Variants in NBEAL1 observed in about 807,000 individuals in gnomAD.
The protein encoded by NBEAL1 is neurobeachin-like protein 1.
Under a neutral mutation model 351.3 loss-of-function variants are expected in NBEAL1, and 273 were observed. That is an observed-to-expected ratio of 0.78 (90% CI 0.70 to 0.86). NBEAL1 has a LOEUF of 0.86. Among genes scored for constraint, NBEAL1 ranks in the 40% least tolerant of loss-of-function variants. The pLI is 0.00. For missense variants in NBEAL1, 2,961 were observed against 3,201.3 expected (o/e 0.92, Z 1.81); for synonymous variants, 1,050 against 1,086.4 (o/e 0.97, Z 0.66).
chr2:203,201,670 T>G lies in NBEAL1; in HGVS notation c.7366T>G (p.Ser2456Ala). The change falls in exon 50 of 56, where the codon TCA (serine) becomes GCA (alanine). Residue 2456 changes from serine (S) to alanine (A), a missense_variant. Physicochemically the swap from Ser to Ala is moderately conservative, Grantham distance 99. Coordinates refer to ENST00000683969, the MANE Select transcript of NBEAL1 (RefSeq NM_001378026.1). ...CTGGGATAATAGCATTCAAGTGATGTCACTTACAAAAGGCAAAATTATCTC... is the reference window on the plus strand; with the variant it reads ...CTGGGATAATAGCATTCAAGTGATGGCACTTACAAAAGGCAAAATTATCTC... ...GYWDNSIQVM[S>A]LTKGKIISHI... 1 of 1,609,452 alleles carries G rather than the reference T, an allele frequency of 6.2e-7. No homozygotes were observed. Among genetic ancestry groups the G allele is most frequent in the Non-Finnish European group, 8.5e-7 (1 of 1,177,382 alleles).
At chr2:203,099,766 C>G in intron 12 of NBEAL1, 54 bp downstream of exon 12, 1 of 1,204,832 alleles carries the variant, frequency 8.3e-7, no homozygotes, top group Non-Finnish European at 1.2e-6. Context: ...ATTTTAGGTT[C>G]AGGGGTACAT....
intron 10 of NBEAL1, among the ~76,000 whole-genome samples, chr2:203,090,366 G>C (rs1296882301): frequency 2.0e-5 from 3 of 152,012 alleles, no homozygotes; most frequent in Admixed American, 6.5e-5. Flanking sequence ...ACCTTTTGGA[G>C]TCTCCAGTGT....
At chr2:203,134,631 G>A (rs2063155501) in intron 27 of NBEAL1, among the ~76,000 whole-genome samples, 1 of 152,120 alleles carries the variant, frequency 6.6e-6, no homozygotes, top group African/African-American at 2.4e-5. Context: ...TATTGACTTT[G>A]TGATAAAATT....
Position 203,096,396 on chromosome 2 carries a change from C to T in NBEAL1, c.1099-1151C>T, listed in dbSNP as rs576413738. 2.0e-5 allele frequency among the ~76,000 whole-genome samples: 3 copies of T among 152,266 alleles called. No individual in the cohort carries two copies. The South Asian group carries it at 6.2e-4, about 32-fold the overall frequency. ...CATGTAACTCGACCTTTTGTTTTCT[C>T]ATTTCTGAAATAATAGAACTTCCTA... On this transcript the variant is annotated intron_variant, in intron 10 of 55. Transcript: ENST00000683969.
rs746743470 is a variant in NBEAL1 at position 203,127,822 on chromosome 2, G to A, written c.3290G>A (p.Arg1097Gln). ...AATGAACTATCTCTAGATGATATTCGAACAATAAGGACTTCTTTGTATGGA... is the reference window on the plus strand; with the variant it reads ...AATGAACTATCTCTAGATGATATTCAAACAATAAGGACTTCTTTGTATGGA... The part of the protein sequence containing the change: ...KYNELSLDDI[R>Q]TIRTSLYGLI... The change falls in exon 24 of 56, where the codon CGA (arginine) becomes CAA (glutamine). Residue 1097 changes from arginine to glutamine, a missense_variant. Coordinates refer to ENST00000683969, the MANE Select transcript of NBEAL1 (RefSeq NM_001378026.1). The A allele has an allele frequency of 2.6e-5, 39 of 1,527,010 alleles. No homozygotes were observed. The highest frequency in any genetic ancestry group is 3.4e-4 in the Middle Eastern group (2 of 5,878). 94.6% of individuals were successfully genotyped at this position (1,527,010 alleles called of 1,614,324 possible).
chr2:203,192,487 C>T (rs538616058), intron 46 of NBEAL1, among the ~76,000 whole-genome samples: 79 of 151,594 alleles, frequency 5.2e-4, no homozygotes, highest in African/African-American at 1.7e-3. Flanking sequence ...TGGGTTCAAG[C>T]GATTCTCCTG....
chr2:203,108,927 G>T (rs2062501007), intron 14 of NBEAL1, among the ~76,000 whole-genome samples: 3 of 151,778 alleles, frequency 2.0e-5, no homozygotes. Context: ...CATACCTGTA[G>T]TCCCAGCTAC....
In NBEAL1 at chr2:203,220,577, G is replaced by A. The variant is rs561777647; in HGVS notation, c.*3223G>A. On this transcript the variant is annotated 3_prime_UTR_variant, in exon 56 of 56. Coordinates refer to ENST00000683969, the MANE Select transcript of NBEAL1 (RefSeq NM_001378026.1). The stretch of plus-strand genomic sequence containing the variant: ...ACAAAAATAAAAATCTCAGCATCCT[G>A]GTGATAGGAAGAGATTTATACCAAG... Among the ~76,000 whole-genome samples the A allele has an allele frequency of 6.6e-6, 1 of 152,176 alleles. No individual in the cohort carries two copies. Among genetic ancestry groups the A allele is most frequent in the South Asian group, 2.1e-4 (1 of 4,814 alleles).
rs913195667 is a variant in NBEAL1 at position 203,144,478 on chromosome 2, G to A, written c.4849-122G>A. ...AGCTTGGAGGCAAAGTAACATCTGA[G>A]ACCTTTCACAGTTCTTGACAGTTAT... On this transcript the variant is annotated intron_variant, in intron 31 of 55. Coordinates refer to ENST00000683969, the MANE Select transcript of NBEAL1 (RefSeq NM_001378026.1). The A allele has an allele frequency of 6.7e-6, 6 of 894,482 alleles. No homozygotes were observed. In the African/African-American group the frequency reaches 1.0e-4, roughly 15 times the overall value. The allele number at this position is 894,482 out of a possible 1,614,324, so 55.4% of individuals were successfully genotyped here.
intron 41 of NBEAL1, 56 bp from the exon 42 acceptor site, chr2:203,175,091 C>T (rs1033774065): frequency 2.0e-5 from 27 of 1,377,944 alleles, no homozygotes; most frequent in East Asian, 1.9e-4. Flanking sequence ...CAAACTTATG[C>T]CCCCTTATGT....
At chr2:203,064,582 A>T (rs2061551320) in intron 6 of NBEAL1, among the ~76,000 whole-genome samples, 1 of 152,196 alleles carries the variant, frequency 6.6e-6, no homozygotes, top group East Asian at 1.9e-4. Context: ...ATCTGAATCT[A>T]ATTGTGAGAA....
At chr2:203,089,449 A>G (rs76745520) in intron 10 of NBEAL1, among the ~76,000 whole-genome samples, 6,045 of 152,212 alleles carry the variant, frequency 0.04, 308 homozygotes, top group African/African-American at 0.12. Context: ...TTTTCTCTCA[A>G]TACAAAAAAG....
At chr2:203,050,040 G>A in intron 4 of NBEAL1, 65 bp downstream of exon 4, 1 of 1,436,058 alleles carries the variant, frequency 7.0e-7, no homozygotes, top group Non-Finnish European at 9.5e-7. Flanking sequence ...GAGAACACAT[G>A]GAGATGAGGA....
intron 14 of NBEAL1, 31 bp downstream of exon 14, chr2:203,108,219 A>G: frequency 7.0e-7 from 1 of 1,436,286 alleles, no homozygotes; most frequent in Non-Finnish European, 9.5e-7. Context: ...ATATAAATGA[A>G]TACTGTCATA....
In NBEAL1 at chr2:203,172,024, G is replaced by A; in HGVS notation, c.6198+1G>A. 1 of 1,571,650 alleles carries A rather than the reference G, an allele frequency of 6.4e-7. No individual in the cohort carries two copies. The highest frequency in any genetic ancestry group is 8.6e-7 in the Non-Finnish European group (1 of 1,159,366). On this transcript the variant is annotated splice_donor_variant, in intron 40 of 55. Coordinates refer to ENST00000683969, the MANE Select transcript of NBEAL1 (RefSeq NM_001378026.1). LOFTEE classifies it high-confidence loss of function. ...TAATGACCTTGCACAGTATCCTGTGGTAAGTTTTGCATAAACCTTATAAAT... is the reference window on the plus strand; with the variant it reads ...TAATGACCTTGCACAGTATCCTGTGATAAGTTTTGCATAAACCTTATAAAT...
At chr2:203,015,116 T>C (rs1306239638) in intron 1 of NBEAL1, 134 bp downstream of exon 1, 1 of 152,204 alleles carries the variant, frequency 6.6e-6, no homozygotes, top group Non-Finnish European at 1.5e-5. Context: ...TGTCAGGGAG[T>C]GTTCCGATAC....
rs768633510 is a variant in NBEAL1, at chr2:203,110,189, T to C, written c.1989T>C (p.Ile663=). 24 of 1,553,268 alleles carry C rather than the reference T, an allele frequency of 1.5e-5. No individual in the cohort carries two copies. The African/African-American group carries it at 3.0e-4, about 19-fold the overall frequency. ...TGSGMGFEAF[I]THSGMLVVAV... is the part of the protein sequence containing the mutation. ...GTGGCATGGGTTTTGAAGCCTTTAT[T>C]ACCCATTCAGGTATGTTGGTCGTGG... Residue 663 remains isoleucine, a synonymous_variant, in exon 15 of 56, where the codon ATT becomes ATC. Transcript: ENST00000683969.
At chr2:203,183,255 A>T (rs1432698296) in intron 43 of NBEAL1, 24 bp from the exon 44 acceptor site, 2 of 1,222,466 alleles carry the variant, frequency 1.6e-6, no homozygotes, top group Admixed American at 2.0e-5. Flanking sequence ...ATGATTTGAT[A>T]CATTTTCTTT....
rs57126638 is a variant in NBEAL1 at position 203,119,424 on chromosome 2, C to CTTTTTTTTTTTTTTTTTTT, written c.2593-2828_2593-2810dup. On this transcript the variant is annotated intron_variant, in intron 18 of 55. Transcript: ENST00000683969. ...GTGAGCCACTGCATACGGCCTGTTG[C>CTTTTTTTTTTTTTTTTTTT]TTTTTTTTTTTTTTTTTTTTGAGAC... 6.2e-4 allele frequency among the ~76,000 whole-genome samples: 41 copies of CTTTTTTTTTTTTTTTTTTT among 66,662 alleles called. 8 individuals carry two copies. The highest frequency in any genetic ancestry group is 1.4e-3 in the African/African-American group (25 of 17,532). The allele number at this position is 66,662 out of a possible 152,430, so 43.7% of individuals were successfully genotyped here.
Sources: gnomAD v4.1 joint callset for allele counts (sites outside exome capture counted in the v4.1 genomes callset) on GRCh38, gnomAD v4.1.1 for gene constraint, MANE v1.5 for transcripts, NCBI Gene and HGNC (gene_info 2026-07-23, HGNC 2026-07-21) for gene names.